PCCA: variants seen among roughly 807,000 people sequenced by gnomAD.
PCCA encodes propionyl-CoA carboxylase alpha chain, mitochondrial.
A neutral mutation model predicts 101.3 loss-of-function variants in PCCA; 74 were observed. That is an observed-to-expected ratio of 0.73 (90% CI 0.61 to 0.89). The LOEUF (loss-of-function observed/expected upper bound fraction) is 0.89. Ranked by LOEUF, PCCA falls within the 40% of genes least tolerant of loss-of-function variation. PCCA has a pLI of 0.00. For missense variants in PCCA, 891 were observed against 907.0 expected (o/e 0.98, Z 0.23); for synonymous variants, 294 against 313.6 (o/e 0.94, Z 0.66).
At chr13:100,213,245 T>A (rs2065501077) in intron 7 of PCCA, among the ~76,000 whole-genome samples, 1 of 152,232 alleles carries the variant, frequency 6.6e-6, no homozygotes, top group Non-Finnish European at 1.5e-5. Context: ...TTCTTTTGGG[T>A]ATATACCTAG....
intron 19 of PCCA, among the ~76,000 whole-genome samples, chr13:100,387,450 CG>C (rs1260896794): frequency 1.1e-4 from 16 of 152,198 alleles, no homozygotes; most frequent in Admixed American, 9.8e-4. Context: ...TAATTTCACT[CG>C]TCCTAAGACA....
chr13:100,455,777 C>T (rs989458864), intron 21 of PCCA, among the ~76,000 whole-genome samples: 4 of 152,006 alleles, frequency 2.6e-5, no homozygotes, highest in African/African-American at 9.7e-5. Flanking sequence ...TTGGCTCACT[C>T]CAACCTCCAC....
At chr13:100,375,717 A>G (rs1270115278) in intron 19 of PCCA, among the ~76,000 whole-genome samples, 1 of 152,240 alleles carries the variant, frequency 6.6e-6, no homozygotes, top group Non-Finnish European at 1.5e-5. Flanking sequence ...CATCAACACT[A>G]TGAAGAAACT....
At chr13:100,504,452 G>C (rs754848540) in intron 21 of PCCA, among the ~76,000 whole-genome samples, 2 of 152,170 alleles carry the variant, frequency 1.3e-5, no homozygotes, top group African/African-American at 4.8e-5. Flanking sequence ...GCGTGTACGC[G>C]GGCGTGAGAG....
chr13:100,289,379 G>A (rs1417364928), intron 12 of PCCA, among the ~76,000 whole-genome samples: 1 of 152,002 alleles, frequency 6.6e-6, no homozygotes, highest in African/African-American at 2.4e-5. Context: ...GAACTCTTGG[G>A]CTCAAGGGAT....
intron 19 of PCCA, among the ~76,000 whole-genome samples, chr13:100,416,512 CTGTGTGTGTGTG>C (rs143797850): frequency 1.2e-4 from 18 of 145,488 alleles, no homozygotes; most frequent in African/African-American, 3.6e-4. Flanking sequence ...TTTTAAATAT[CTGTGTGTGTGTG>C]TGTGTGTGTG....
intron 6 of PCCA, among the ~76,000 whole-genome samples, chr13:100,188,332 C>G (rs12870630): frequency 1.4e-5 from 2 of 140,526 alleles, no homozygotes; most frequent in African/African-American, 2.6e-5. Context: ...AACAAAAACA[C>G]AAAGAAAGAA....
intron 20 of PCCA, among the ~76,000 whole-genome samples, chr13:100,438,075 A>T (rs2080077448): frequency 6.6e-6 from 1 of 151,934 alleles, no homozygotes; most frequent in Non-Finnish European, 1.5e-5. Flanking sequence ...GACAAAAGTG[A>T]TTCCATCTTA....
chr13:100,257,752 C>T, intron 9 of PCCA, 79 bp downstream of exon 9: 1 of 946,098 alleles, frequency 1.1e-6, no homozygotes, highest in Non-Finnish European at 1.7e-6. Context: ...TAAACAGATA[C>T]CAAAAGCATA....
chr13:100,344,285 G>C (rs903106291), intron 18 of PCCA, among the ~76,000 whole-genome samples: 1 of 152,138 alleles, frequency 6.6e-6, no homozygotes, highest in African/African-American at 2.4e-5. Context: ...TACTGACTTG[G>C]AAGACCTGGT....
At chr13:100,244,773 T>G (rs146272210) in intron 8 of PCCA, among the ~76,000 whole-genome samples, 20 of 152,286 alleles carry the variant, frequency 1.3e-4, no homozygotes, top group African/African-American at 4.8e-4. Flanking sequence ...TTCCTTTCTC[T>G]GCCAAAGAAA....
chr13:100,456,745 C>T (rs377445646), intron 21 of PCCA, among the ~76,000 whole-genome samples: 35 of 152,260 alleles, frequency 2.3e-4, no homozygotes, highest in Admixed American at 1.4e-3. Context: ...TTTCTTCTAC[C>T]GCTATCTACT....
At chr13:100,397,045 G>T (rs2077080731) in intron 19 of PCCA, among the ~76,000 whole-genome samples, 1 of 152,068 alleles carries the variant, frequency 6.6e-6, no homozygotes, top group Non-Finnish European at 1.5e-5. Flanking sequence ...TCCATTTAGA[G>T]GCCCTTCCTT....
intron 19 of PCCA, among the ~76,000 whole-genome samples, chr13:100,371,554 C>T (rs1014683522): frequency 8.6e-5 from 13 of 151,924 alleles, no homozygotes; most frequent in Non-Finnish European, 1.5e-4. Context: ...CTGGGCAACA[C>T]AGCAAGACTC....
intron 21 of PCCA, chr13:100,480,204 G>A (rs1314439216): frequency 6.8e-6 from 1 of 147,874 alleles, no homozygotes; most frequent in Non-Finnish European, 1.5e-5. Context: ...CTTTCTCTTT[G>A]CAAAGCTCCA....
At chr13:100,373,300 G>A (rs1409238056) in intron 19 of PCCA, among the ~76,000 whole-genome samples, 1 of 152,204 alleles carries the variant, frequency 6.6e-6, no homozygotes, top group African/African-American at 2.4e-5. Context: ...CGGTGAGGGT[G>A]TGGAGAAGCT....
chr13:100,166,613 T>C (rs2055062908), intron 6 of PCCA, among the ~76,000 whole-genome samples: 1 of 152,198 alleles, frequency 6.6e-6, no homozygotes, highest in South Asian at 2.1e-4. Flanking sequence ...TTCCTTTTTA[T>C]TGCTGCATTC....
chr13:100,333,930 A>G (rs974639899), intron 17 of PCCA, among the ~76,000 whole-genome samples: 1 of 152,248 alleles, frequency 6.6e-6, no homozygotes, highest in African/African-American at 2.4e-5. Flanking sequence ...AATAATTGAT[A>G]TAGGCTCTAG....
At chr13:100,306,648 T>C (rs1348393691) in intron 14 of PCCA, among the ~76,000 whole-genome samples, 1 of 151,156 alleles carries the variant, frequency 6.6e-6, no homozygotes, top group Non-Finnish European at 1.5e-5. Context: ...AATTGGGGCT[T>C]TACAAAGCAA....
Sources: allele counts gnomAD v4.1 joint callset (sites outside exome capture counted in the v4.1 genomes callset), GRCh38; gene constraint gnomAD v4.1.1; transcripts MANE v1.5; gene names NCBI Gene and HGNC (gene_info 2026-07-23, HGNC 2026-07-21).